SFMBT2: variants seen among roughly 807,000 people sequenced by gnomAD.
SFMBT2 encodes Scm like with four mbt domains 2, also known as scm-like with four MBT domains protein 2.
SFMBT2 carries 38 observed loss-of-function variants against 110.1 expected under a neutral mutation model. That is an observed-to-expected ratio of 0.35 (90% CI 0.27 to 0.45). The LOEUF is 0.45. SFMBT2 is among the 20% of genes least tolerant of loss of function. SFMBT2 has a pLI of 1.00. For missense variants in SFMBT2, 1,011 were observed against 1,094.9 expected, an observed-to-expected ratio of 0.92 and a Z score of 1.08; for synonymous variants, 425 against 425.4, an observed-to-expected ratio of 1.00 and a Z score of 0.01.
intron 12 of SFMBT2, chr10:7,202,859 T>C (rs756750645): frequency 4.1e-6 from 4 of 985,382 alleles, no homozygotes; most frequent in Non-Finnish European, 4.8e-6. Context: ...CAAGCAGTTA[T>C]CCGGAATGAT....
chr10:7,237,246 T>C (rs1840285869), intron 9 of SFMBT2, among the ~76,000 whole-genome samples: 1 of 152,142 alleles, frequency 6.6e-6, no homozygotes, highest in Non-Finnish European at 1.5e-5. Context: ...TGGGGATCAC[T>C]TGCAATAGGG....
At chr10:7,223,954 G>T (rs1288014898) in intron 10 of SFMBT2, among the ~76,000 whole-genome samples, 2 of 152,148 alleles carry the variant, frequency 1.3e-5, no homozygotes, top group Admixed American at 1.3e-4. Context: ...TACAATAGGG[G>T]CTTGAAAATA....
intron 4 of SFMBT2, among the ~76,000 whole-genome samples, chr10:7,292,972 G>C (rs1842304219): frequency 6.6e-6 from 1 of 152,074 alleles, no homozygotes; most frequent in Non-Finnish European, 1.5e-5. Context: ...GGGTGACAGA[G>C]CAAGGCTCCG....
intron 11 of SFMBT2, among the ~76,000 whole-genome samples, chr10:7,211,679 C>T (rs1256030385): frequency 1.3e-5 from 2 of 152,178 alleles, no homozygotes; most frequent in Non-Finnish European, 2.9e-5. Context: ...GCTTCTCCCC[C>T]TAAGGTTTCA....
intron 4 of SFMBT2, chr10:7,348,277 A>C: frequency 6.6e-7 from 1 of 1,518,376 alleles, no homozygotes; most frequent in Non-Finnish European, 8.8e-7. Flanking sequence ...AAGTTTTGAG[A>C]CATCCTTTTC....
In SFMBT2 at chr10:7,205,224, G is replaced by A. The variant is rs189132361; in HGVS notation, c.1444+591C>T. 1.9e-3 allele frequency: 423 copies of A among 217,718 alleles called. 1 individual carries two copies. Among genetic ancestry groups the A allele is most frequent in the African/African-American group, 8.7e-3 (373 of 42,630 alleles). The allele number at this position is 217,718 out of a possible 1,614,324, so 13.5% of individuals were successfully genotyped here. A position where few individuals can be genotyped will look rare whatever the true frequency, so the allele number is the denominator to read the frequency against. ...CAGCCTCCAGAGTAGCTGGAGACAC[G>A]TGTCACTCTGCTTGACTAATTTACT... On this transcript the variant is annotated intron_variant, in intron 12 of 20. Transcript: ENST00000397167.
intron 1 of SFMBT2, among the ~76,000 whole-genome samples, chr10:7,400,950 T>C (rs1001406725): frequency 3.3e-5 from 5 of 151,990 alleles, no homozygotes; most frequent in Non-Finnish European, 7.4e-5. Context: ...CTGGTCAACA[T>C]GGTGAAACCC....
intron 1 of SFMBT2, among the ~76,000 whole-genome samples, chr10:7,395,213 G>A (rs1286061090): frequency 6.6e-6 from 1 of 152,196 alleles, no homozygotes; most frequent in Non-Finnish European, 1.5e-5. Context: ...CAGCTACTCA[G>A]GAGGTGGAGG....
chr10:7,374,988 A>G (rs960626067), intron 2 of SFMBT2, among the ~76,000 whole-genome samples: 8 of 152,124 alleles, frequency 5.3e-5, no homozygotes, highest in African/African-American at 1.7e-4. Flanking sequence ...TGATTCATAA[A>G]CCTCTTAAAC....
chr10:7,277,191 A>C (rs968712380), intron 6 of SFMBT2, among the ~76,000 whole-genome samples: 1 of 152,236 alleles, frequency 6.6e-6, no homozygotes, highest in Non-Finnish European at 1.5e-5. Flanking sequence ...TTCTGCTGTC[A>C]GAAATGAAGA....
At chr10:7,387,624 C>A (rs573155223) in intron 1 of SFMBT2, among the ~76,000 whole-genome samples, 13 of 151,950 alleles carry the variant, frequency 8.6e-5, no homozygotes, top group Admixed American at 6.6e-4. Flanking sequence ...CCCAGAGGAG[C>A]CGAGGATAAG....
At chr10:7,394,926 C>T (rs1484967863) in intron 1 of SFMBT2, among the ~76,000 whole-genome samples, 2 of 152,114 alleles carry the variant, frequency 1.3e-5, no homozygotes, top group Non-Finnish European at 2.9e-5. Context: ...AAGAAACACA[C>T]CCTCCAACAG....
At chr10:7,315,085 A>AAAGG (rs1842966688) in intron 4 of SFMBT2, among the ~76,000 whole-genome samples, 2 of 146,328 alleles carry the variant, frequency 1.4e-5, no homozygotes, top group Non-Finnish European at 3.1e-5. Context: ...AGAAAGAAAG[A>AAAGG]AAGAAAGAAA....
chr10:7,296,975 T>C (rs775240000), intron 4 of SFMBT2, among the ~76,000 whole-genome samples: 3 of 152,226 alleles, frequency 2.0e-5, no homozygotes, highest in South Asian at 2.1e-4. Context: ...AACTCTTCCC[T>C]GAGTCCCCTG....
chr10:7,284,704 A>G (rs1242319948), intron 5 of SFMBT2: 5 of 240,412 alleles, frequency 2.1e-5, no homozygotes, highest in African/African-American at 9.2e-5. Flanking sequence ...CACAGTAATG[A>G]TCAGCTAAAT....
intron 4 of SFMBT2, among the ~76,000 whole-genome samples, chr10:7,319,772 C>CAG (rs750459064): frequency 8.7e-5 from 11 of 126,848 alleles, no homozygotes; most frequent in Non-Finnish European, 1.2e-4. Flanking sequence ...GAGAGAGACA[C>CAG]AGAGAGAGAG....
At chr10:7,286,721 G>C (rs1432887089) in intron 4 of SFMBT2, among the ~76,000 whole-genome samples, 4 of 152,156 alleles carry the variant, frequency 2.6e-5, no homozygotes, top group Non-Finnish European at 5.9e-5. Flanking sequence ...TTCGAGACTT[G>C]ATCATCTGCA....
At chr10:7,298,783 GTA>G (rs1041012316) in intron 4 of SFMBT2, among the ~76,000 whole-genome samples, 10 of 152,150 alleles carry the variant, frequency 6.6e-5, no homozygotes, top group African/African-American at 2.2e-4. Flanking sequence ...GTGTGTGTGT[GTA>G]TATGTGTGTC....
intron 11 of SFMBT2, among the ~76,000 whole-genome samples, chr10:7,218,518 T>C (rs945990752): frequency 1.3e-5 from 2 of 152,236 alleles, no homozygotes; most frequent in African/African-American, 4.8e-5. Flanking sequence ...ACAGACTGTT[T>C]ACAAACACTT....
Sources: gnomAD v4.1 joint callset for allele counts (sites outside exome capture counted in the v4.1 genomes callset) on GRCh38, gnomAD v4.1.1 for gene constraint, MANE v1.5 for transcripts, NCBI Gene and HGNC (gene_info 2026-07-23, HGNC 2026-07-21) for gene names.